Variants in NR2C1 observed in about 807,000 individuals in gnomAD.
The protein encoded by NR2C1 is nuclear receptor subfamily 2 group C member 1, also known as TR2 nuclear hormone receptor.
A neutral mutation model predicts 74.8 loss-of-function variants in NR2C1; 33 were observed. The ratio of observed to expected loss-of-function variants is 0.44; its 90% CI spans 0.33 to 0.59. The LOEUF (loss-of-function observed/expected upper bound fraction) is 0.59. Ranked by LOEUF, NR2C1 falls within the 20% of genes least tolerant of loss-of-function variation. NR2C1 has a pLI of 0.02. For missense variants in NR2C1, 568 were observed against 715.6 expected (o/e 0.79, Z 2.35); for synonymous variants, 225 against 240.6 (o/e 0.94, Z 0.60).
chr12:95,040,676 C>T (rs11107870), intron 9 of NR2C1, 79 bp from the exon 10 acceptor site: 103,563 of 1,339,222 alleles, frequency 0.077, 4,883 homozygotes, highest in Admixed American at 0.15. Context: ...AAAGTTTAAA[C>T]GTAACACATC....
At position 95,062,687 on chromosome 12, in the gene NR2C1, C is replaced by G. The variant is rs746864071; in HGVS notation, c.106G>C (p.Asp36His). ...AACTGCTTGCCTTGGGTATTATGAT[C>G]AAGTGCTGTCACAATCTGGATTTTC... ...GQKIQIVTAL[D>H]HNTQGKQFIL... The change falls in exon 3 of 14, where the codon GAT becomes CAT. Residue 36 changes from aspartate (D) to histidine (H), a missense_variant. Asp to His is a moderately conservative substitution (Grantham distance 81). Around this residue, in one of 6 missense-constraint regions of NR2C1, gnomAD observed 128 missense variants for 118.9 expected, o/e 1.08. Transcript: ENST00000333003. 3.1e-5 allele frequency: 50 copies of G among 1,614,018 alleles called. No individual in the cohort carries two copies. The highest frequency in any genetic ancestry group is 4.2e-5 in the Non-Finnish European group (50 of 1,180,020).
At chr12:95,055,613 A>G (rs779303097) in intron 7 of NR2C1, among the ~76,000 whole-genome samples, 45 of 152,198 alleles carry the variant, frequency 3.0e-4, no homozygotes, top group African/African-American at 4.8e-4. Flanking sequence ...TGACAAATAT[A>G]TAACAAATCT....
chr12:95,042,181 A>C (rs1471004853), intron 9 of NR2C1, among the ~76,000 whole-genome samples: 2 of 151,646 alleles, frequency 1.3e-5, no homozygotes, highest in African/African-American at 4.8e-5. Context: ...TTTTCTGGGG[A>C]ATGACTATTA....
At chr12:95,053,380 A>C (rs1462746518) in intron 7 of NR2C1, among the ~76,000 whole-genome samples, 1 of 152,130 alleles carries the variant, frequency 6.6e-6, no homozygotes, top group Non-Finnish European at 1.5e-5. Flanking sequence ...ACAACTCAGA[A>C]ATATAATTTG....
At chr12:95,025,427 G>A (rs1869234661) in intron 12 of NR2C1, 172 bp from the exon 13 acceptor site, 4 of 442,340 alleles carry the variant, frequency 9.0e-6, no homozygotes, top group Non-Finnish European at 1.6e-5. Flanking sequence ...GGGAGGCTGA[G>A]GAGGGTGAAT....
intron 10 of NR2C1, among the ~76,000 whole-genome samples, chr12:95,031,767 T>C (rs987627521): frequency 1.3e-5 from 2 of 152,258 alleles, no homozygotes; most frequent in South Asian, 2.1e-4. Context: ...TCACATTTCA[T>C]AGAAATGGAA....
intron 10 of NR2C1, 128 bp downstream of exon 10, chr12:95,040,348 C>T: frequency 1.2e-6 from 1 of 804,136 alleles, no homozygotes; most frequent in Non-Finnish European, 1.9e-6. Context: ...ATTTGAATGA[C>T]ACAACTTAAA....
intron 9 of NR2C1, among the ~76,000 whole-genome samples, chr12:95,046,591 GA>G (rs750437793): frequency 1.3e-5 from 2 of 149,088 alleles, no homozygotes; most frequent in Non-Finnish European, 3.0e-5. Flanking sequence ...ATCTCACAAA[GA>G]AAAAAAAAAT....
chr12:95,036,121 G>A (rs951113593), intron 10 of NR2C1, among the ~76,000 whole-genome samples: 4 of 152,172 alleles, frequency 2.6e-5, no homozygotes, highest in African/African-American at 9.7e-5. Flanking sequence ...GGGATGGTAA[G>A]GGCATGTTTG....
chr12:95,072,669 C>A (rs1271050912), intron 1 of NR2C1: 1 of 152,258 alleles, frequency 6.6e-6, no homozygotes, highest in East Asian at 1.9e-4. Flanking sequence ...TGGCAACATT[C>A]GTACTGCACA....
At chr12:95,068,444 A>C (rs1402868186) in intron 1 of NR2C1, among the ~76,000 whole-genome samples, 1 of 152,190 alleles carries the variant, frequency 6.6e-6, no homozygotes, top group Non-Finnish European at 1.5e-5. Context: ...CCCAATAAGG[A>C]ACATGCAAGA....
At chr12:95,072,952 C>T (rs1876935514) in intron 1 of NR2C1, 2 of 152,258 alleles carry the variant, frequency 1.3e-5, no homozygotes, top group Admixed American at 6.5e-5. Context: ...CGGCCTCTCC[C>T]ACGTCTCACT....
intron 7 of NR2C1, among the ~76,000 whole-genome samples, chr12:95,052,519 C>G (rs151003846): frequency 6.6e-6 from 1 of 152,108 alleles, no homozygotes; most frequent in South Asian, 2.1e-4. Flanking sequence ...TACAGTGGCA[C>G]GACCACAGAT....
At chr12:95,032,483 A>AC (rs1487730490) in intron 10 of NR2C1, among the ~76,000 whole-genome samples, 2 of 149,444 alleles carry the variant, frequency 1.3e-5, no homozygotes, top group African/African-American at 5.0e-5. Context: ...AAAAAAAAAG[A>AC]CCCCCATCTC....
Position 95,021,741 on chromosome 12 carries a change from A to G in NR2C1, c.*488T>C, listed in dbSNP as rs998508818. 6.5e-6 allele frequency: 1 copy of G among 152,738 alleles called. No individual in the cohort carries two copies. The highest frequency in any genetic ancestry group is 2.4e-5 in the African/African-American group (1 of 41,454). 9.5% of individuals were successfully genotyped at this position (152,738 alleles called of 1,614,324 possible). ...CCTATAGTTCTAATACTGTCATTAT[A>G]CCAGTAAGCATAAAATAATCTTATT... is the stretch of plus-strand genomic sequence containing the variant. On this transcript the variant is annotated 3_prime_UTR_variant, in exon 14 of 14. Coordinates refer to ENST00000333003, the MANE Select transcript of NR2C1 (RefSeq NM_003297.4).
chr12:95,062,644 T>C lies in NR2C1; in HGVS notation c.149A>G (p.Asp50Gly), dbSNP rs750838484. 3.1e-6 allele frequency: 5 copies of C among 1,614,100 alleles called. No homozygotes were observed. In the South Asian group the frequency reaches 4.4e-5, roughly 14 times the overall value. Residue 50 changes from aspartate to glycine, a missense_variant, in exon 3 of 14, where the codon GAC becomes GGC. This residue lies in a region of NR2C1 where 128 missense variants were observed against 118.9 expected (regional missense o/e 1.08). Coordinates refer to ENST00000333003, the MANE Select transcript of NR2C1 (RefSeq NM_003297.4). Reference sequence around the variant, plus strand: ...AATGACTTTGCTTGGAGTAGAGCCGTCGTGATTTGTCAGAATGAACTGCTT... The same window carrying C: ...AATGACTTTGCTTGGAGTAGAGCCGCCGTGATTTGTCAGAATGAACTGCTT... The part of the protein sequence containing the change: ...QGKQFILTNH[D>G]GSTPSKVILA...
Position 95,021,344 on chromosome 12 carries a change from T to C in NR2C1, c.*885A>G, listed in dbSNP as rs1407627034. On this transcript the variant is annotated 3_prime_UTR_variant, in exon 14 of 14. Transcript: ENST00000333003. ...TGAGCCACTACACCTGGCTAGTCTCTATTATTTTCAAAGACAGCAGTAGGC... is the reference window on the plus strand; with the variant it reads ...TGAGCCACTACACCTGGCTAGTCTCCATTATTTTCAAAGACAGCAGTAGGC... 1 of 151,776 alleles carries C rather than the reference T, an allele frequency of 6.6e-6. No homozygotes were observed. Among genetic ancestry groups the C allele is most frequent in the African/African-American group, 2.4e-5 (1 of 41,370 alleles). The allele number at this position is 151,776 out of a possible 1,614,324, so 9.4% of individuals were successfully genotyped here. A position where few individuals can be genotyped will look rare whatever the true frequency, so the allele number is the denominator to read the frequency against.
At chr12:95,065,190 C>CA (rs934329534) in intron 2 of NR2C1, among the ~76,000 whole-genome samples, 2 of 150,948 alleles carry the variant, frequency 1.3e-5, no homozygotes, top group Non-Finnish European at 3.0e-5. Context: ...TTCCAAAGAG[C>CA]TTTTTTTTTG....
chr12:95,063,621 A>C (rs913470085), intron 2 of NR2C1, among the ~76,000 whole-genome samples: 1 of 151,368 alleles, frequency 6.6e-6, no homozygotes, highest in African/African-American at 2.4e-5. Flanking sequence ...CAGGAGAATC[A>C]CTTGAGGCCA....
Sources: gnomAD v4.1 joint callset for allele counts (sites outside exome capture counted in the v4.1 genomes callset) on GRCh38, gnomAD v4.1.1 for gene constraint, gnomAD v4.1.1 regional missense constraint, MANE v1.5 for transcripts, NCBI Gene and HGNC (gene_info 2026-07-23, HGNC 2026-07-21) for gene names.